Variants in ANK2 observed in about 807,000 individuals in gnomAD.
The protein encoded by ANK2 is ankyrin 2.
ANK2 carries 83 observed loss-of-function variants against 360.5 expected under a neutral mutation model. That is an observed-to-expected ratio of 0.23 (90% CI 0.19 to 0.28). The LOEUF (loss-of-function observed/expected upper bound fraction) is 0.28. Ranked by LOEUF, ANK2 falls within the 10% of genes least tolerant of loss-of-function variation. ANK2 has a pLI of 1.00. For synonymous variants in ANK2, 1,740 were observed against 1,759.5 expected, an observed-to-expected ratio of 0.99 and a Z score of 0.28; for missense variants, 4,201 against 4,795.7, an observed-to-expected ratio of 0.88 and a Z score of 3.66.
intron 1 of ANK2, chr4:112,827,052 T>G (rs972730733): frequency 1.4e-5 from 18 of 1,305,388 alleles, no homozygotes; most frequent in Non-Finnish European, 2.0e-5. Context: ...AGAACTTAAC[T>G]GTTGCTGTGA....
intron 1 of ANK2, among the ~76,000 whole-genome samples, chr4:113,119,799 T>C (rs1051403149): frequency 2.6e-5 from 4 of 152,184 alleles, no homozygotes; most frequent in African/African-American, 9.6e-5. Flanking sequence ...GAAGGATTTT[T>C]ACCAAGGTAA....
chr4:113,374,985 T>G, intron 45 of ANK2: 1 of 1,016,938 alleles, frequency 9.8e-7, no homozygotes, highest in Non-Finnish European at 1.2e-6. Flanking sequence ...ATGTGTGTGT[T>G]TTATGTTGCT....
intron 2 of ANK2, among the ~76,000 whole-genome samples, chr4:112,943,161 C>CT (rs2094345648): frequency 6.6e-6 from 1 of 152,042 alleles, no homozygotes; most frequent in Non-Finnish European, 1.5e-5. Flanking sequence ...ACCTCTCACT[C>CT]TGAAAACAGA....
chr4:112,882,759 G>A (rs759310980), intron 1 of ANK2, among the ~76,000 whole-genome samples: 7 of 151,610 alleles, frequency 4.6e-5, no homozygotes, highest in South Asian at 2.1e-4. Context: ...GTCACTTACC[G>A]TAGGCAGATA....
intron 20 of ANK2, among the ~76,000 whole-genome samples, chr4:113,291,249 T>G (rs992481895): frequency 6.6e-5 from 10 of 152,186 alleles, no homozygotes; most frequent in Non-Finnish European, 1.3e-4. Context: ...AAAGGAAGAA[T>G]TTTTACAAAA....
chr4:113,140,640 A>T (rs1049736199), intron 1 of ANK2, among the ~76,000 whole-genome samples: 1 of 151,342 alleles, frequency 6.6e-6, no homozygotes, highest in African/African-American at 2.4e-5. Context: ...ACTCATGGCA[A>T]TTTTTTTTTC....
chr4:112,973,825 A>G (rs559315730), intron 2 of ANK2, among the ~76,000 whole-genome samples: 2 of 152,326 alleles, frequency 1.3e-5, no homozygotes, highest in African/African-American at 4.8e-5. Context: ...GGGCCACTGC[A>G]TTGTTGTTAG....
rs751589249 is a variant in ANK2 at position 113,356,299 on chromosome 4, A to G, written c.7681A>G (p.Lys2561Glu). The G allele has an allele frequency of 5.6e-6, 9 of 1,614,154 alleles. No individual in the cohort carries two copies. The highest frequency in any genetic ancestry group is 5.0e-5 in the Admixed American group (3 of 60,018). The change falls in exon 38 of 46, where the codon AAA (lysine) becomes GAA (glutamate). Residue 2561 changes from lysine to glutamate, a missense_variant. Lys to Glu is a moderately conservative substitution (Grantham distance 56). Transcript: ENST00000357077. Reference sequence around the variant, plus strand: ...CAAAACCACAGATGTAAGTACACCAAAACCAGCTGTGATTCATGAATGTGC... The same window carrying G: ...CAAAACCACAGATGTAAGTACACCAGAACCAGCTGTGATTCATGAATGTGC... ...TPKTTDVSTPKPAVIHECAEE... is the reference protein window; with the variant it reads ...TPKTTDVSTPEPAVIHECAEE...
At chr4:113,256,107 A>T (rs1372975258) in intron 11 of ANK2, among the ~76,000 whole-genome samples, 175 bp downstream of exon 11, 1 of 152,250 alleles carries the variant, frequency 6.6e-6, no homozygotes, top group Non-Finnish European at 1.5e-5. Context: ...GTTTGTTAGC[A>T]AATGCTGGTG....
At chr4:112,795,529 A>G in the ANK2 span, among the ~76,000 whole-genome samples, 1 of 152,112 alleles carries the variant, frequency 6.6e-6, no homozygotes, top group African/African-American at 2.4e-5. Context: ...TCCGAGATGG[A>G]GTCTCGCTCT....
intron 17 of ANK2, among the ~76,000 whole-genome samples, chr4:113,280,541 C>T (rs1325845992): frequency 6.6e-6 from 1 of 152,198 alleles, no homozygotes; most frequent in Non-Finnish European, 1.5e-5. Flanking sequence ...AAGATCCCCA[C>T]TGTAGTCTCC....
chr4:112,929,225 G>A (rs753721659), intron 2 of ANK2, among the ~76,000 whole-genome samples: 1 of 152,078 alleles, frequency 6.6e-6, no homozygotes, highest in Non-Finnish European at 1.5e-5. Context: ...CTATAAATAG[G>A]TAAATTTTTA....
intron 1 of ANK2, among the ~76,000 whole-genome samples, chr4:112,891,371 TA>T (rs750650382): frequency 3.9e-4 from 60 of 152,358 alleles, no homozygotes; most frequent in Admixed American, 9.2e-4. Flanking sequence ...AGTTATCAAT[TA>T]TTTTTTTTAT....
the ANK2 span, among the ~76,000 whole-genome samples, chr4:112,775,706 G>A: frequency 6.6e-6 from 1 of 152,126 alleles, no homozygotes; most frequent in African/African-American, 2.4e-5. Context: ...TTAAGTTTGA[G>A]TTACACTGGG....
At chr4:113,287,186 T>C (rs1238194303) in intron 18 of ANK2, among the ~76,000 whole-genome samples, 2 of 152,214 alleles carry the variant, frequency 1.3e-5, no homozygotes, top group Non-Finnish European at 2.9e-5. Flanking sequence ...TGATGTGATA[T>C]TTTGTTGATA....
chr4:113,232,996 G>A (rs1183791688), intron 5 of ANK2, among the ~76,000 whole-genome samples: 1 of 151,970 alleles, frequency 6.6e-6, no homozygotes, highest in Non-Finnish European at 1.5e-5. Flanking sequence ...TGTGCTTGGG[G>A]CCACTGGAAG....
At chr4:113,257,478 T>TA (rs766224839) in intron 11 of ANK2, among the ~76,000 whole-genome samples, 13 of 152,192 alleles carry the variant, frequency 8.5e-5, no homozygotes, top group Non-Finnish European at 1.8e-4. Context: ...ATATATGTTA[T>TA]AAAAATGATA....
chr4:113,318,391 T>C (rs1441261282), intron 25 of ANK2, 126 bp from the exon 26 acceptor site: 1 of 738,930 alleles, frequency 1.4e-6, no homozygotes, highest in Non-Finnish European at 2.4e-6. Context: ...ACATTGGTTT[T>C]ATATTTTAAG....
intron 17 of ANK2, among the ~76,000 whole-genome samples, chr4:113,279,145 C>T (rs2061322686): frequency 6.6e-6 from 1 of 151,980 alleles, no homozygotes; most frequent in Admixed American, 6.6e-5. Flanking sequence ...CTAGTTGGCC[C>T]CTTATTACAC....
Sources: allele counts gnomAD v4.1 joint callset (sites outside exome capture counted in the v4.1 genomes callset), GRCh38; gene constraint gnomAD v4.1.1; transcripts MANE v1.5; gene names NCBI Gene and HGNC (gene_info 2026-07-23, HGNC 2026-07-21).